The following PDE4B variants were observed in gnomAD, a reference collection of about 807,000 sequenced individuals.
The protein encoded by PDE4B is 3',5'-cyclic-AMP phosphodiesterase 4B.
In PDE4B, 20 loss-of-function variants were observed where a neutral mutation model predicts 82.2. The observed-to-expected ratio is 0.24, with a 90% CI of 0.17 to 0.35. The LOEUF (loss-of-function observed/expected upper bound fraction) is 0.35, where lower values mean the gene tolerates loss of function less well. PDE4B is among the 10% of genes least tolerant of loss of function. The pLI, the probability that PDE4B is intolerant of heterozygous loss-of-function variation, is 1.00. For synonymous variants in PDE4B, 320 were observed against 318.9 expected, an observed-to-expected ratio of 1.00 and a Z score of -0.04; for missense variants, 655 against 907.2, an observed-to-expected ratio of 0.72 and a Z score of 3.57.
intron 3 of PDE4B, among the ~76,000 whole-genome samples, chr1:66,009,641 A>T (rs974575762): frequency 2.0e-5 from 3 of 152,142 alleles, no homozygotes; most frequent in Non-Finnish European, 4.4e-5. Context: ...TTTCTTATCA[A>T]GACCTCGGCC....
intron 3 of PDE4B, among the ~76,000 whole-genome samples, chr1:65,919,345 G>A (rs1008345486): frequency 6.6e-6 from 1 of 152,198 alleles, no homozygotes; most frequent in Non-Finnish European, 1.5e-5. Context: ...TATGAGAGAT[G>A]CTGGCACTGT....
chr1:65,975,637 G>T (rs1240730756), intron 3 of PDE4B, among the ~76,000 whole-genome samples: 1 of 152,186 alleles, frequency 6.6e-6, no homozygotes, highest in African/African-American at 2.4e-5. Flanking sequence ...AAATGGTTTT[G>T]TGGACCTGGC....
rs780636462 is a variant in PDE4B, at chr1:66,361,579, CAT to C, written c.842-35_842-34del. ...ATATTGCAGTGGATTCTCATAGACACATGTGCTGAAAAACATATTCCTTTGTC... is the reference window on the plus strand; with the variant it reads ...ATATTGCAGTGGATTCTCATAGACACGTGCTGAAAAACATATTCCTTTGTC... On this transcript the variant is annotated intron_variant, in intron 9 of 16. Coordinates refer to ENST00000341517, the MANE Select transcript of PDE4B (RefSeq NM_002600.4). The C allele has an allele frequency of 8.4e-6, 13 of 1,555,358 alleles. No individual in the cohort carries two copies. The South Asian group carries it at 1.4e-4, about 16-fold the overall frequency.
At chr1:65,901,018 C>T (rs1345125004) in intron 1 of PDE4B, among the ~76,000 whole-genome samples, 2 of 152,004 alleles carry the variant, frequency 1.3e-5, no homozygotes, top group Non-Finnish European at 2.9e-5. Flanking sequence ...GAGTGGGAAT[C>T]CTTGTCTTGC....
At chr1:66,247,938 G>T (rs1446563742) in intron 4 of PDE4B, among the ~76,000 whole-genome samples, 1 of 152,184 alleles carries the variant, frequency 6.6e-6, no homozygotes, top group East Asian at 1.9e-4. Context: ...TTCCTGAACT[G>T]TTGAGTCATT....
chr1:65,802,931 A>G (rs1187342241), intron 1 of PDE4B, among the ~76,000 whole-genome samples: 1 of 152,166 alleles, frequency 6.6e-6, no homozygotes, highest in Non-Finnish European at 1.5e-5. Context: ...AGATAGTGAC[A>G]CTATTGTGTA....
chr1:66,350,650 G>T (rs1188995614), intron 8 of PDE4B, among the ~76,000 whole-genome samples: 2 of 152,096 alleles, frequency 1.3e-5, no homozygotes, highest in Admixed American at 6.5e-5. Context: ...TTTTAGATTT[G>T]AGAAGAGCCT....
intron 3 of PDE4B, among the ~76,000 whole-genome samples, chr1:66,208,093 G>GT (rs1284540152): frequency 6.6e-6 from 1 of 152,028 alleles, no homozygotes; most frequent in Non-Finnish European, 1.5e-5. Flanking sequence ...ACTTCTTCCT[G>GT]TATCAATTAA....
At chr1:66,030,481 G>A (rs1653711790) in intron 3 of PDE4B, among the ~76,000 whole-genome samples, 1 of 152,100 alleles carries the variant, frequency 6.6e-6, no homozygotes, top group South Asian at 2.1e-4. Flanking sequence ...ATCTGTTCTG[G>A]GGCTTCTTTT....
chr1:66,027,062 A>ACCTGTTTT (rs1653476549), intron 3 of PDE4B, among the ~76,000 whole-genome samples: 1 of 152,194 alleles, frequency 6.6e-6, no homozygotes, highest in African/African-American at 2.4e-5. Flanking sequence ...TGTTAGCTTT[A>ACCTGTTTT]ATGTATTTTA....
intron 3 of PDE4B, among the ~76,000 whole-genome samples, chr1:66,039,126 G>T (rs1330362828): frequency 2.6e-5 from 4 of 151,960 alleles, no homozygotes; most frequent in Non-Finnish European, 5.9e-5. Flanking sequence ...TTGGAGAGTT[G>T]TTATTTATTT....
In PDE4B at chr1:66,349,770, G is replaced by A. The variant is rs576646043; in HGVS notation, c.748-5757G>A. Among the ~76,000 whole-genome samples, 9 of 152,272 alleles carry A rather than the reference G, an allele frequency of 5.9e-5. No individual in the cohort carries two copies. In the South Asian group the frequency reaches 1.5e-3, roughly 25 times the overall value. On this transcript the variant is annotated intron_variant, in intron 8 of 16. Transcript: ENST00000341517. ...ATAATCTGAAATGTTAAGAATTGTG[G>A]AAATTGTTAGTTTCATAAGGAGTTT...
intron 1 of PDE4B, among the ~76,000 whole-genome samples, chr1:65,830,119 C>T (rs1646065399): frequency 6.6e-6 from 1 of 151,916 alleles, no homozygotes; most frequent in Admixed American, 6.6e-5. Flanking sequence ...TTACAGAAGC[C>T]AAGCTGAAAA....
intron 1 of PDE4B, among the ~76,000 whole-genome samples, chr1:65,848,539 C>G (rs1385843228): frequency 6.6e-6 from 1 of 152,126 alleles, no homozygotes; most frequent in Non-Finnish European, 1.5e-5. Context: ...GTGCCAACTT[C>G]TAGTCACTTC....
chr1:65,979,981 T>C (rs1443021032), intron 3 of PDE4B, among the ~76,000 whole-genome samples: 1 of 152,096 alleles, frequency 6.6e-6, no homozygotes, highest in Non-Finnish European at 1.5e-5. Flanking sequence ...GGACAGACTT[T>C]CTGAGGAGAA....
At chr1:66,141,724 A>G (rs1005350712) in intron 3 of PDE4B, among the ~76,000 whole-genome samples, 2 of 152,074 alleles carry the variant, frequency 1.3e-5, no homozygotes, top group African/African-American at 4.8e-5. Flanking sequence ...CTTTATGACA[A>G]CATTTTCCTG....
At chr1:66,048,549 A>T (rs1283275165) in intron 3 of PDE4B, among the ~76,000 whole-genome samples, 1 of 151,964 alleles carries the variant, frequency 6.6e-6, no homozygotes, top group Admixed American at 6.6e-5. Context: ...ACTACAAAGA[A>T]AGTAGTCTAG....
chr1:66,012,781 G>A (rs1205626181), intron 3 of PDE4B, among the ~76,000 whole-genome samples: 2 of 152,152 alleles, frequency 1.3e-5, no homozygotes, highest in African/African-American at 4.8e-5. Context: ...TTTGAGCAAA[G>A]TTCACAGCTT....
At chr1:66,097,593 T>C (rs1420523372) in intron 3 of PDE4B, among the ~76,000 whole-genome samples, 1 of 152,070 alleles carries the variant, frequency 6.6e-6, no homozygotes, top group Non-Finnish European at 1.5e-5. Flanking sequence ...AATTTTTCAT[T>C]GCAGATTTTC....
Sources: allele counts gnomAD v4.1 joint callset (sites outside exome capture counted in the v4.1 genomes callset), GRCh38; gene constraint gnomAD v4.1.1; transcripts MANE v1.5; gene names NCBI Gene and HGNC (gene_info 2026-07-23, HGNC 2026-07-21).